PSD3: variants seen among roughly 807,000 people sequenced by gnomAD.
PSD3 encodes the protein PH and SEC7 domain-containing protein 3.
In PSD3, 49 loss-of-function variants were observed where a neutral mutation model predicts 105.5. That is an observed-to-expected ratio of 0.46 (90% CI 0.37 to 0.59). The LOEUF is 0.59. Ranked by LOEUF, PSD3 falls within the 20% of genes least tolerant of loss-of-function variation. PSD3 has a pLI of 0.00. For missense variants in PSD3, 1,561 were observed against 1,263.8 expected, an observed-to-expected ratio of 1.24 and a Z score of -3.57; for synonymous variants, 557 against 457.8, an observed-to-expected ratio of 1.22 and a Z score of -2.77.
intron 9 of PSD3, among the ~76,000 whole-genome samples, chr8:18,726,889 T>C (rs1409672643): frequency 6.6e-5 from 10 of 152,150 alleles, no homozygotes; most frequent in Non-Finnish European, 1.5e-5. Context: ...AAATTTTCTT[T>C]AGAAAATAAA....
intron 14 of PSD3, among the ~76,000 whole-genome samples, 194 bp from the exon 15 acceptor site, chr8:18,556,546 CAAT>C: frequency 6.6e-6 from 1 of 152,186 alleles, no homozygotes; most frequent in Non-Finnish European, 1.5e-5. Context: ...CCCGGGATGG[CAAT>C]CAAGGCCAAC....
At chr8:18,629,082 A>T (rs1165716919) in intron 11 of PSD3, among the ~76,000 whole-genome samples, 1 of 152,014 alleles carries the variant, frequency 6.6e-6, no homozygotes, top group Non-Finnish European at 1.5e-5. Context: ...TAAATTAACA[A>T]TAAAAAGTTA....
At chr8:18,978,381 A>G (rs1825065688) in intron 1 of PSD3, among the ~76,000 whole-genome samples, 1 of 152,236 alleles carries the variant, frequency 6.6e-6, no homozygotes, top group Admixed American at 6.5e-5. Flanking sequence ...CTGAGTAAGC[A>G]AGGAAGGTCA....
intron 4 of PSD3, among the ~76,000 whole-genome samples, chr8:18,836,643 G>A (rs1814131588): frequency 6.6e-6 from 1 of 152,148 alleles, no homozygotes; most frequent in African/African-American, 2.4e-5. Flanking sequence ...GGACGCTCCA[G>A]ACCTTTATAT....
At chr8:18,725,110 G>T (rs560537394) in intron 9 of PSD3, among the ~76,000 whole-genome samples, 1 of 152,118 alleles carries the variant, frequency 6.6e-6, no homozygotes, top group Admixed American at 6.5e-5. Flanking sequence ...CAGGTTCTAC[G>T]TATTGGCTCC....
Position 18,851,345 on chromosome 8 carries a change from T to C in PSD3, c.1634+16329A>G, listed in dbSNP as rs191064358. Among the ~76,000 whole-genome samples the C allele has an allele frequency of 1.2e-3, 184 of 152,280 alleles. 1 individual carries two copies. The highest frequency in any genetic ancestry group is 4.4e-3 in the African/African-American group (181 of 41,556). On this transcript the variant is annotated intron_variant, in intron 4 of 15. Coordinates refer to ENST00000327040, the MANE Select transcript of PSD3 (RefSeq NM_015310.4). ...CTTCTACTCTACCTCCACCCAAAGA[T>C]ATTCATGACAAAAAGCCAAATATAA...
chr8:18,841,291 T>C (rs766744172), intron 4 of PSD3, among the ~76,000 whole-genome samples: 3 of 152,140 alleles, frequency 2.0e-5, no homozygotes, highest in African/African-American at 4.8e-5. Context: ...GTCTGTTGTG[T>C]ATTCTCAGCG....
intron 4 of PSD3, among the ~76,000 whole-genome samples, chr8:18,853,466 C>T (rs1387248965): frequency 1.3e-5 from 2 of 152,108 alleles, no homozygotes; most frequent in Non-Finnish European, 2.9e-5. Flanking sequence ...CTCACTTATC[C>T]CCTGCCTGTT....
chr8:18,630,631 C>T (rs1479808316), intron 11 of PSD3, among the ~76,000 whole-genome samples: 1 of 151,814 alleles, frequency 6.6e-6, no homozygotes, highest in Non-Finnish European at 1.5e-5. Context: ...TATACTTCCC[C>T]TTTTTGACTT....
At chr8:18,984,310 T>C (rs1825391716) in intron 1 of PSD3, among the ~76,000 whole-genome samples, 1 of 151,940 alleles carries the variant, frequency 6.6e-6, no homozygotes, top group South Asian at 2.1e-4. Flanking sequence ...AACTACACAA[T>C]TCTCAACAGA....
intron 11 of PSD3, among the ~76,000 whole-genome samples, chr8:18,624,231 A>T (rs1374314566): frequency 2.0e-5 from 3 of 152,132 alleles, no homozygotes; most frequent in Non-Finnish European, 4.4e-5. Flanking sequence ...TTTGCAGGGT[A>T]GAAGAGGGCC....
intron 4 of PSD3, among the ~76,000 whole-genome samples, chr8:18,858,794 G>A (rs984611799): frequency 5.9e-5 from 9 of 152,054 alleles, no homozygotes; most frequent in South Asian, 2.1e-4. Context: ...TCCACTTCTC[G>A]TTCGCCTGCT....
chr8:18,554,458 C>T (rs1800949615), intron 15 of PSD3, among the ~76,000 whole-genome samples: 1 of 152,018 alleles, frequency 6.6e-6, no homozygotes, highest in South Asian at 2.1e-4. Context: ...AAACGTTTAC[C>T]TTTACCAAAA....
intron 10 of PSD3, among the ~76,000 whole-genome samples, chr8:18,639,296 G>C (rs771815901): frequency 1.3e-5 from 2 of 151,828 alleles, no homozygotes; most frequent in African/African-American, 2.4e-5. Flanking sequence ...CCTGGTTGCT[G>C]TACATCTTTG....
intron 9 of PSD3, among the ~76,000 whole-genome samples, chr8:18,694,536 G>A (rs377706565): frequency 6.6e-5 from 10 of 150,484 alleles, no homozygotes; most frequent in African/African-American, 7.3e-5. Context: ...CGTGAACCCG[G>A]GAGGCAGAGC....
At chr8:19,055,945 G>A (rs920784414) in intron 1 of PSD3, among the ~76,000 whole-genome samples, 1 of 152,200 alleles carries the variant, frequency 6.6e-6, no homozygotes, top group Non-Finnish European at 1.5e-5. Flanking sequence ...CAGGTTATCT[G>A]TTCTCTTATT....
chr8:18,617,566 T>A (rs1585402998), intron 11 of PSD3, among the ~76,000 whole-genome samples: 1 of 152,090 alleles, frequency 6.6e-6, no homozygotes. Context: ...TATTTATATA[T>A]CATACATTGT....
intron 6 of PSD3, among the ~76,000 whole-genome samples, chr8:18,801,806 C>T (rs901885862): frequency 5.9e-5 from 9 of 151,614 alleles, no homozygotes; most frequent in Non-Finnish European, 1.0e-4. Context: ...CCAGCCTAGG[C>T]GACAGAGTGA....
chr8:18,635,858 G>A (rs1201684529), intron 10 of PSD3, among the ~76,000 whole-genome samples: 2 of 150,990 alleles, frequency 1.3e-5, no homozygotes, highest in South Asian at 2.1e-4. Context: ...CACAAGGAGG[G>A]GAACATCATA....
Sources: allele counts gnomAD v4.1 joint callset (sites outside exome capture counted in the v4.1 genomes callset), GRCh38; gene constraint gnomAD v4.1.1; transcripts MANE v1.5; gene names NCBI Gene and HGNC (gene_info 2026-07-23, HGNC 2026-07-21).